DCC: variants seen among roughly 807,000 people sequenced by gnomAD.
DCC encodes the protein DCC netrin 1 receptor.
In DCC, 58 loss-of-function variants were observed where a neutral mutation model predicts 172.5. The ratio of observed to expected loss-of-function variants is 0.34; its 90% CI spans 0.27 to 0.42. The LOEUF (loss-of-function observed/expected upper bound fraction) is 0.42. Among genes scored for constraint, DCC ranks in the 10% least tolerant of loss-of-function variants. DCC has a pLI of 1.00. For synonymous variants in DCC, 709 were observed against 644.5 expected (o/e 1.10, Z -1.52); for missense variants, 1,740 against 1,791.0 (o/e 0.97, Z 0.51).
intron 25 of DCC, among the ~76,000 whole-genome samples, chr18:53,482,511 CA>C (rs1203748912): frequency 6.6e-6 from 1 of 152,012 alleles, no homozygotes; most frequent in Non-Finnish European, 1.5e-5. Flanking sequence ...ATATGGCTTG[CA>C]AAATTGTTTT....
intron 9 of DCC, among the ~76,000 whole-genome samples, chr18:53,195,836 T>C (rs2055435606): frequency 6.6e-6 from 1 of 152,230 alleles, no homozygotes; most frequent in South Asian, 2.1e-4. Flanking sequence ...AATTCCTATA[T>C]GTTTGGTTGT....
chr18:52,422,341 G>C (rs1987276581), intron 1 of DCC, among the ~76,000 whole-genome samples: 1 of 152,162 alleles, frequency 6.6e-6, no homozygotes, highest in East Asian at 1.9e-4. Flanking sequence ...TCTGAGACTT[G>C]TGATAATATT....
chr18:52,771,180 G>A (rs2037336478), intron 2 of DCC, among the ~76,000 whole-genome samples: 1 of 152,226 alleles, frequency 6.6e-6, no homozygotes, highest in South Asian at 2.1e-4. Context: ...TAGAGCTGGT[G>A]CTTGAGCCCA....
At chr18:52,588,562 G>A (rs1219106693) in intron 1 of DCC, among the ~76,000 whole-genome samples, 2 of 152,162 alleles carry the variant, frequency 1.3e-5, no homozygotes, top group Non-Finnish European at 2.9e-5. Flanking sequence ...TTACATGAAT[G>A]AACACATAAT....
chr18:52,358,262 C>A lies in DCC; in HGVS notation c.91+17384C>A, dbSNP rs906452552. 6.6e-5 allele frequency among the ~76,000 whole-genome samples: 10 copies of A among 152,278 alleles called. No homozygotes were observed. In the South Asian group the frequency reaches 2.1e-3, roughly 32 times the overall value. On this transcript the variant is annotated intron_variant, in intron 1 of 28. Transcript: ENST00000442544. ...TCTTATACACACTTCACTTGAAAACCACTTGGCTGTGCATTGTCCGTAAAA... is the reference window on the plus strand; with the variant it reads ...TCTTATACACACTTCACTTGAAAACAACTTGGCTGTGCATTGTCCGTAAAA...
At chr18:52,961,206 G>A (rs1272315030) in intron 5 of DCC, among the ~76,000 whole-genome samples, 1 of 152,048 alleles carries the variant, frequency 6.6e-6, no homozygotes, top group Non-Finnish European at 1.5e-5. Flanking sequence ...AAGAGTTAAT[G>A]GGTGCAGCAC....
At chr18:52,628,075 C>T (rs964403121) in intron 1 of DCC, among the ~76,000 whole-genome samples, 1 of 152,154 alleles carries the variant, frequency 6.6e-6, no homozygotes, top group Non-Finnish European at 1.5e-5. Context: ...TTCCTTTACC[C>T]TTTCCAATTC....
intron 1 of DCC, among the ~76,000 whole-genome samples, chr18:52,470,656 C>T (rs1568185003): frequency 6.6e-6 from 1 of 152,086 alleles, no homozygotes; most frequent in Non-Finnish European, 1.5e-5. Flanking sequence ...AGTCAGGAAC[C>T]CCAGTGACTT....
At chr18:52,596,149 C>T (rs1238911775) in intron 1 of DCC, among the ~76,000 whole-genome samples, 1 of 152,190 alleles carries the variant, frequency 6.6e-6, no homozygotes, top group Non-Finnish European at 1.5e-5. Flanking sequence ...CTCTTGTTCA[C>T]TTCATTTATT....
At position 52,566,259 on chromosome 18, in the gene DCC, A is replaced by G. The variant is rs547253883; in HGVS notation, c.92-185795A>G. Among the ~76,000 whole-genome samples, 4 of 152,274 alleles carry G rather than the reference A, an allele frequency of 2.6e-5. No individual in the cohort carries two copies. In the East Asian group the frequency reaches 7.7e-4, roughly 29 times the overall value. ...AAACCATAATTCTCAGCAAACTAAC[A>G]TAGGAACAGAAAAACAAACACCATG... On this transcript the variant is annotated intron_variant, in intron 1 of 28. Transcript: ENST00000442544.
intron 2 of DCC, among the ~76,000 whole-genome samples, chr18:52,874,718 C>T (rs1030851215): frequency 1.3e-5 from 2 of 151,894 alleles, no homozygotes; most frequent in African/African-American, 4.8e-5. Context: ...GATACAGCCA[C>T]AAGAGGAGAC....
intron 5 of DCC, among the ~76,000 whole-genome samples, chr18:52,963,745 A>G (rs2040883250): frequency 6.6e-6 from 1 of 152,114 alleles, no homozygotes; most frequent in African/African-American, 2.4e-5. Context: ...TGTTTTAAAC[A>G]ATGCTGTTTT....
intron 7 of DCC, among the ~76,000 whole-genome samples, chr18:53,133,584 T>C (rs187734566): frequency 5.9e-5 from 9 of 152,272 alleles, no homozygotes; most frequent in Non-Finnish European, 1.0e-4. Flanking sequence ...CTAAATAATA[T>C]CATCCACCAC....
At chr18:53,394,718 T>G (rs1265749958) in intron 17 of DCC, among the ~76,000 whole-genome samples, 1 of 152,164 alleles carries the variant, frequency 6.6e-6, no homozygotes, top group Non-Finnish European at 1.5e-5. Flanking sequence ...AGACAATGCA[T>G]GAAATAATGT....
At chr18:52,926,005 CACTT>C (rs1277286136) in intron 5 of DCC, among the ~76,000 whole-genome samples, 1 of 151,748 alleles carries the variant, frequency 6.6e-6, no homozygotes. Context: ...ATATTTTTAT[CACTT>C]ACTCCAGATT....
At chr18:53,311,130 AT>A (rs926473197) in intron 13 of DCC, among the ~76,000 whole-genome samples, 12 of 36,584 alleles carry the variant, frequency 3.3e-4, no homozygotes, top group African/African-American at 1.4e-3. Context: ...TTATTTATTT[AT>A]TTTTTTTGAG....
chr18:52,406,630 A>C (rs1384240835), intron 1 of DCC, among the ~76,000 whole-genome samples: 2 of 152,086 alleles, frequency 1.3e-5, no homozygotes, highest in African/African-American at 4.8e-5. Context: ...ATGTTCAAAG[A>C]TGATAAAGGG....
chr18:53,047,261 TA>T (rs2042253773), intron 5 of DCC, among the ~76,000 whole-genome samples: 1 of 12,594 alleles, frequency 7.9e-5, no homozygotes, highest in African/African-American at 7.7e-4. Flanking sequence ...TATATATATA[TA>T]TATATATATA....
intron 27 of DCC, among the ~76,000 whole-genome samples, chr18:53,507,921 T>C (rs1212740895): frequency 7.0e-6 from 1 of 143,480 alleles, no homozygotes. Flanking sequence ...TGAGATGGAG[T>C]CTCGCTCTGT....
Sources: allele counts gnomAD v4.1 joint callset (sites outside exome capture counted in the v4.1 genomes callset), GRCh38; gene constraint gnomAD v4.1.1; transcripts MANE v1.5; gene names NCBI Gene and HGNC (gene_info 2026-07-23, HGNC 2026-07-21).